Variants in FRMD4A observed in about 807,000 individuals in gnomAD.
FRMD4A encodes FERM domain-containing protein 4A.
Under a neutral mutation model 129.1 loss-of-function variants are expected in FRMD4A, and 29 were observed. The observed-to-expected ratio is 0.22, with a 90% CI of 0.17 to 0.31. The LOEUF is 0.31. Ranked by LOEUF, FRMD4A falls within the 10% of genes least tolerant of loss-of-function variation. The pLI is 1.00. For missense variants in FRMD4A, 1,272 were observed against 1,375.8 expected (o/e 0.92, Z 1.19); for synonymous variants, 634 against 571.6 (o/e 1.11, Z -1.56).
intron 12 of FRMD4A, among the ~76,000 whole-genome samples, chr10:13,735,706 A>C (rs1220633504): frequency 6.6e-6 from 1 of 152,256 alleles, no homozygotes; most frequent in Non-Finnish European, 1.5e-5. Flanking sequence ...GATTTTAATT[A>C]TCTCTGCTGT....
chr10:14,232,528 G>GTCATTTTA (rs200305153), intron 2 of FRMD4A, among the ~76,000 whole-genome samples: 10,959 of 152,190 alleles, frequency 0.072, 434 homozygotes, highest in Middle Eastern at 0.11. Flanking sequence ...GGGTAGTATG[G>GTCATTTTA]ACAGGTATTG....
chr10:13,825,280 G>C (rs1050980375), intron 3 of FRMD4A, among the ~76,000 whole-genome samples: 36 of 152,174 alleles, frequency 2.4e-4, no homozygotes, highest in African/African-American at 8.7e-4. Context: ...CAGTTGATCA[G>C]ATCACTGAGA....
At position 14,110,085 on chromosome 10, in the gene FRMD4A, C is replaced by T. The variant is rs1005153251; in HGVS notation, c.45+219973G>A. ...TCAAGGCTGCAGTGAGCTGAGATTG[C>T]GCCACTATATTCCAGGCTGGGCAAC... On this transcript the variant is annotated intron_variant, in intron 2 of 24. Coordinates refer to ENST00000357447, the MANE Select transcript of FRMD4A (RefSeq NM_018027.5). Among the ~76,000 whole-genome samples the T allele has an allele frequency of 1.3e-4, 16 of 123,650 alleles. 1 individual carries two copies. Among genetic ancestry groups the T allele is most frequent in the Admixed American group, 7.7e-4 (8 of 10,328 alleles). The allele number at this position is 123,650 out of a possible 152,430, so 81.1% of individuals were successfully genotyped here.
At chr10:13,907,679 A>C (rs1286615466) in intron 2 of FRMD4A, among the ~76,000 whole-genome samples, 1 of 152,136 alleles carries the variant, frequency 6.6e-6, no homozygotes, top group Non-Finnish European at 1.5e-5. Flanking sequence ...TCACAATGAG[A>C]ATAGACAGCC....
chr10:14,297,142 T>C, intron 2 of FRMD4A, among the ~76,000 whole-genome samples: 1 of 151,914 alleles, frequency 6.6e-6, no homozygotes, highest in East Asian at 1.9e-4. Context: ...TTCTCATTTT[T>C]TTTTTTTTCT....
At chr10:14,025,982 T>G (rs1832969433) in intron 2 of FRMD4A, among the ~76,000 whole-genome samples, 1 of 152,158 alleles carries the variant, frequency 6.6e-6, no homozygotes, top group African/African-American at 2.4e-5. Flanking sequence ...TGGCCATCCT[T>G]GCTGTGACTG....
chr10:13,707,582 C>G (rs1346408435), intron 12 of FRMD4A: 1 of 989,378 alleles, frequency 1.0e-6, no homozygotes, highest in African/African-American at 1.7e-5. Flanking sequence ...TTCCTCCCCT[C>G]CAGTGCTGAA....
At chr10:13,651,743 C>T in intron 24 of FRMD4A, 160 bp downstream of exon 24, 1 of 620,062 alleles carries the variant, frequency 1.6e-6, no homozygotes. Context: ...GATGTAAGAA[C>T]CTTCAGCTAA....
chr10:14,247,472 G>T (rs971186385), intron 2 of FRMD4A, among the ~76,000 whole-genome samples: 3 of 152,024 alleles, frequency 2.0e-5, no homozygotes, highest in African/African-American at 4.8e-5. Flanking sequence ...TGCTAAACTA[G>T]GTAGGTTAAC....
intron 24 of FRMD4A, among the ~76,000 whole-genome samples, chr10:13,650,593 A>G (rs1181844578): frequency 1.3e-5 from 2 of 152,158 alleles, no homozygotes; most frequent in African/African-American, 4.8e-5. Flanking sequence ...TCCTACTTCA[A>G]AAATACTGCT....
At chr10:14,321,076 G>C (rs1843027907) in intron 2 of FRMD4A, among the ~76,000 whole-genome samples, 1 of 151,684 alleles carries the variant, frequency 6.6e-6, no homozygotes, top group African/African-American at 2.4e-5. Flanking sequence ...TTTTATTTTT[G>C]TCTTTTCCCA....
At chr10:14,018,586 G>T (rs1300416253) in intron 2 of FRMD4A, among the ~76,000 whole-genome samples, 1 of 152,012 alleles carries the variant, frequency 6.6e-6, no homozygotes, top group Non-Finnish European at 1.5e-5. Context: ...GGGAGGAAGT[G>T]ACACCATCCA....
chr10:13,677,784 T>C (rs773435090), intron 15 of FRMD4A, among the ~76,000 whole-genome samples: 2 of 152,206 alleles, frequency 1.3e-5, no homozygotes, highest in Non-Finnish European at 2.9e-5. Context: ...TCAGGAACAT[T>C]TACTGAAGTA....
intron 2 of FRMD4A, among the ~76,000 whole-genome samples, chr10:13,935,373 G>C (rs993817544): frequency 6.9e-6 from 1 of 145,466 alleles, no homozygotes; most frequent in African/African-American, 2.6e-5. Context: ...GGGAGGAGGA[G>C]GTTGCAGTCA....
intron 15 of FRMD4A, among the ~76,000 whole-genome samples, chr10:13,687,221 G>A (rs762879628): frequency 3.3e-5 from 5 of 152,236 alleles, no homozygotes; most frequent in Admixed American, 6.5e-5. Flanking sequence ...CAGATAACCC[G>A]GGAGGAAGAG....
intron 6 of FRMD4A, among the ~76,000 whole-genome samples, chr10:13,782,512 T>C (rs187214975): frequency 9.9e-5 from 15 of 151,582 alleles, no homozygotes; most frequent in Admixed American, 9.9e-4. Context: ...GGCGTGATCT[T>C]AGCTCACTGC....
At chr10:14,267,494 A>G (rs982591650) in intron 2 of FRMD4A, among the ~76,000 whole-genome samples, 1 of 152,186 alleles carries the variant, frequency 6.6e-6, no homozygotes, top group Admixed American at 6.5e-5. Context: ...GGTCTGTCCA[A>G]TTTCAAGGCC....
chr10:14,211,325 G>C (rs998383583), intron 2 of FRMD4A, among the ~76,000 whole-genome samples: 2 of 152,174 alleles, frequency 1.3e-5, no homozygotes, highest in Admixed American at 1.3e-4. Context: ...GCTTGGAAAA[G>C]TGAGGCTGCT....
intron 2 of FRMD4A, among the ~76,000 whole-genome samples, chr10:13,920,706 C>T (rs534256643): frequency 5.3e-5 from 8 of 152,238 alleles, no homozygotes; most frequent in Non-Finnish European, 1.0e-4. Context: ...TCTTTTTAGA[C>T]ATGTGTCCTG....
Sources: gnomAD v4.1 joint callset for allele counts (sites outside exome capture counted in the v4.1 genomes callset) on GRCh38, gnomAD v4.1.1 for gene constraint, MANE v1.5 for transcripts, NCBI Gene and HGNC (gene_info 2026-07-23, HGNC 2026-07-21) for gene names.